The following NAALADL2 variants were observed in gnomAD, a reference collection of about 807,000 sequenced individuals.
The protein encoded by NAALADL2 is inactive N-acetylated-alpha-linked acidic dipeptidase-like protein 2.
NAALADL2 carries 76 observed loss-of-function variants against 87.2 expected under a neutral mutation model. The observed-to-expected ratio is 0.87, with a 90% CI of 0.72 to 1.05. NAALADL2 has a LOEUF of 1.05. Ranked by LOEUF, NAALADL2 falls within the 50% of genes least tolerant of loss-of-function variation. The probability of loss-of-function intolerance (pLI) is 0.00; values close to 1 mark genes in which losing one functional copy is unlikely to be tolerated. For missense variants in NAALADL2, 1,089 were observed against 945.8 expected (o/e 1.15, Z -1.99); for synonymous variants, 354 against 331.0 (o/e 1.07, Z -0.75).
intron 2 of NAALADL2, among the ~76,000 whole-genome samples, chr3:174,671,574 A>G (rs1560133411): frequency 6.6e-6 from 1 of 152,116 alleles, no homozygotes. Context: ...AACATTAGGC[A>G]CAATGATGTG....
intron 4 of NAALADL2, among the ~76,000 whole-genome samples, chr3:175,297,515 C>A (rs1756531479): frequency 6.6e-6 from 1 of 152,156 alleles, no homozygotes; most frequent in African/African-American, 2.4e-5. Context: ...ATTTATGTGA[C>A]AAAATTGCCT....
chr3:175,611,891 T>TG (rs1303644425), intron 10 of NAALADL2, among the ~76,000 whole-genome samples: 1 of 152,176 alleles, frequency 6.6e-6, no homozygotes, highest in Non-Finnish European at 1.5e-5. Context: ...TTCAGTTAAA[T>TG]GGAATTTTTG....
chr3:175,750,982 A>G (rs1410861993), intron 12 of NAALADL2, among the ~76,000 whole-genome samples: 2 of 152,158 alleles, frequency 1.3e-5, no homozygotes, highest in Non-Finnish European at 2.9e-5. Flanking sequence ...GAATAAATGC[A>G]AACTGTTTTT....
At chr3:175,044,545 C>T (rs941890134) in intron 1 of NAALADL2, among the ~76,000 whole-genome samples, 3 of 152,060 alleles carry the variant, frequency 2.0e-5, no homozygotes, top group African/African-American at 7.2e-5. Flanking sequence ...TTTTGAGCTG[C>T]CACATAAAAC....
chr3:174,690,408 ATTG>A (rs1303713208), intron 2 of NAALADL2, among the ~76,000 whole-genome samples: 2 of 152,110 alleles, frequency 1.3e-5, no homozygotes, highest in Admixed American at 6.5e-5. Flanking sequence ...GTCTGGATAC[ATTG>A]TTGTTGTGGA....
At chr3:175,756,413 A>G (rs62286120) in intron 13 of NAALADL2, among the ~76,000 whole-genome samples, 14,457 of 152,212 alleles carry the variant, frequency 0.095, 723 homozygotes, top group African/African-American at 0.12. Flanking sequence ...GTGAAGTCAT[A>G]GAATCAACCT....
Position 175,661,812 on chromosome 3 carries a change from GT to G in NAALADL2, c.1896+34429del, listed in dbSNP as rs1732294047. Among the ~76,000 whole-genome samples, 5 of 151,922 alleles carry G rather than the reference GT, an allele frequency of 3.3e-5. No homozygotes were observed. In the South Asian group the frequency reaches 1.0e-3, roughly 32 times the overall value. ...AAGATGAGTTAGGTGTAAAGTAAGA[GT>G]TTATATCTGGGTTCTCTATGCTGTT... On this transcript the variant is annotated intron_variant, in intron 11 of 13. Coordinates refer to ENST00000454872, the MANE Select transcript of NAALADL2 (RefSeq NM_207015.3).
chr3:174,447,262 T>A (rs1715127322), intron 1 of NAALADL2, among the ~76,000 whole-genome samples: 1 of 152,130 alleles, frequency 6.6e-6, no homozygotes, highest in African/African-American at 2.4e-5. Context: ...TCTAGGGGAT[T>A]AATGGCTCCC....
At chr3:174,743,432 TATAGTTTTA>T (rs1733946575) in intron 3 of NAALADL2, among the ~76,000 whole-genome samples, 1 of 151,820 alleles carries the variant, frequency 6.6e-6, no homozygotes, top group Non-Finnish European at 1.5e-5. Flanking sequence ...CAAATAAAAT[TATAGTTTTA>T]CTAAATAAAT....
chr3:174,792,286 A>AGGAG (rs1216367230), intron 3 of NAALADL2, among the ~76,000 whole-genome samples: 1 of 143,340 alleles, frequency 7.0e-6, no homozygotes, highest in Non-Finnish European at 1.5e-5. Context: ...GAGGGAGGGA[A>AGGAG]GGAGGGAGGG....
At chr3:174,741,198 G>A (rs543329009) in intron 3 of NAALADL2, among the ~76,000 whole-genome samples, 126 of 151,658 alleles carry the variant, frequency 8.3e-4, no homozygotes, top group African/African-American at 2.8e-3. Context: ...GAAAACTGAC[G>A]GCAAATGTCT....
intron 10 of NAALADL2, among the ~76,000 whole-genome samples, chr3:175,608,814 A>G (rs1724154887): frequency 6.6e-6 from 1 of 152,190 alleles, no homozygotes; most frequent in South Asian, 2.1e-4. Context: ...TGGTATCATA[A>G]TTGAAATTGC....
At chr3:175,649,128 G>GCAATTTATTTCATA (rs1286757954) in intron 11 of NAALADL2, among the ~76,000 whole-genome samples, 1 of 152,164 alleles carries the variant, frequency 6.6e-6, no homozygotes, top group East Asian at 1.9e-4. Flanking sequence ...CACAACTGCA[G>GCAATTTATTTCATA]ATATGGCATC....
intron 2 of NAALADL2, among the ~76,000 whole-genome samples, chr3:174,595,473 A>G (rs1379074097): frequency 6.6e-6 from 1 of 152,172 alleles, no homozygotes. Context: ...GATAAGTTAC[A>G]CGGAAGGAAA....
At chr3:175,554,336 A>C (rs1418857564) in intron 9 of NAALADL2, among the ~76,000 whole-genome samples, 2 of 152,164 alleles carry the variant, frequency 1.3e-5, no homozygotes, top group Non-Finnish European at 2.9e-5. Context: ...GGCAGGATTC[A>C]CATTTTTAAA....
intron 11 of NAALADL2, among the ~76,000 whole-genome samples, chr3:175,700,479 G>T (rs796328227): frequency 6.6e-6 from 1 of 152,128 alleles, no homozygotes; most frequent in Admixed American, 6.6e-5. Flanking sequence ...AAAGGTAACT[G>T]CCTTTTCTGA....
At chr3:174,501,643 G>A (rs1718903458) in intron 1 of NAALADL2, among the ~76,000 whole-genome samples, 1 of 151,994 alleles carries the variant, frequency 6.6e-6, no homozygotes, top group African/African-American at 2.4e-5. Flanking sequence ...GTCTTTAAAG[G>A]AATTTTTTTC....
intron 2 of NAALADL2, among the ~76,000 whole-genome samples, chr3:174,580,625 T>A (rs1716062581): frequency 6.6e-6 from 1 of 152,126 alleles, no homozygotes; most frequent in South Asian, 2.1e-4. Flanking sequence ...TTTCTAGAAT[T>A]TGATATCAAT....
intron 5 of NAALADL2, among the ~76,000 whole-genome samples, chr3:175,420,606 C>A (rs978100470): frequency 1.3e-5 from 2 of 151,898 alleles, no homozygotes; most frequent in African/African-American, 4.8e-5. Flanking sequence ...ATTTAAAAAG[C>A]CTTTCTTGAA....
Sources: gnomAD v4.1 joint callset for allele counts (sites outside exome capture counted in the v4.1 genomes callset) on GRCh38, gnomAD v4.1.1 for gene constraint, MANE v1.5 for transcripts, NCBI Gene and HGNC (gene_info 2026-07-23, HGNC 2026-07-21) for gene names.